FREM3: variants seen among roughly 807,000 people sequenced by gnomAD.
The protein encoded by FREM3 is FRAS1 related extracellular matrix 3.
A neutral mutation model predicts 129.1 loss-of-function variants in FREM3; 105 were observed. That is an observed-to-expected ratio of 0.81 (90% CI 0.69 to 0.96). The LOEUF (loss-of-function observed/expected upper bound fraction) is 0.96. Among genes scored for constraint, FREM3 ranks in the 40% least tolerant of loss-of-function variants. The pLI, the probability that FREM3 is intolerant of heterozygous loss-of-function variation, is 0.00. For missense variants in FREM3, 2,593 were observed against 2,666.3 expected (o/e 0.97, Z 0.61); for synonymous variants, 1,014 against 1,044.9 (o/e 0.97, Z 0.57).
chr4:143,586,156 C>T (rs1273655822), intron 6 of FREM3, among the ~76,000 whole-genome samples, 163 bp from the exon 7 acceptor site: 4 of 152,082 alleles, frequency 2.6e-5, no homozygotes, highest in Non-Finnish European at 5.9e-5. Flanking sequence ...AACAAAAACA[C>T]ACAAAAAGCC....
At position 143,696,776 on chromosome 4, in the gene FREM3, G is replaced by A; in HGVS notation, c.3900C>T (p.Thr1300=). The part of the protein sequence containing the change: ...TTHRKVPIVV[T]LVDDETPHLT... ...GGTGAGGAGTTTCATCATCCACTAG[G>A]GTCACTACAATGGGTACCTTCCTGT... The change falls in exon 1 of 8, where the codon ACC becomes ACT. Residue 1300 remains threonine, a synonymous_variant. Coordinates refer to ENST00000329798, the MANE Select transcript of FREM3 (RefSeq NM_001168235.2). 1 of 1,537,692 alleles carries A rather than the reference G, an allele frequency of 6.5e-7. No individual in the cohort carries two copies. Among genetic ancestry groups the A allele is most frequent in the Non-Finnish European group, 8.7e-7 (1 of 1,147,026 alleles).
chr4:143,693,983 G>A (rs1488817302), intron 1 of FREM3, among the ~76,000 whole-genome samples: 2 of 152,162 alleles, frequency 1.3e-5, no homozygotes, highest in Non-Finnish European at 2.9e-5. Context: ...ACAATCAACA[G>A]TGGTGTTTTC....
intron 2 of FREM3, among the ~76,000 whole-genome samples, chr4:143,668,537 G>A (rs1433901462): frequency 2.0e-5 from 3 of 152,170 alleles, no homozygotes; most frequent in Non-Finnish European, 2.9e-5. Context: ...CACCCTTAAT[G>A]TTGGCTTGTT....
Position 143,698,022 on chromosome 4 carries a change from A to G in FREM3, c.2654T>C (p.Val885Ala), listed in dbSNP as rs2149864975. 6.5e-7 allele frequency: 1 copy of G among 1,537,286 alleles called. No individual in the cohort carries two copies. Among genetic ancestry groups the G allele is most frequent in the East Asian group, 2.4e-5 (1 of 40,906 alleles). Residue 885 changes from valine to alanine, a missense_variant, in exon 1 of 8, where the codon GTC becomes GCC. This residue lies in a region of FREM3 where 2,276 missense variants were observed against 2,267.2 expected (regional missense o/e 1.00). Coordinates refer to ENST00000329798, the MANE Select transcript of FREM3 (RefSeq NM_001168235.2). The stretch of plus-strand genomic sequence containing the variant: ...AGCTTGCATGAAAGATTCCCCTGGG[A>G]CCATACATCTTTTAAAGTACTGCAA... ...GHLQYFKRCM[V>A]PGESFMQADV...
At chr4:143,591,756 C>A (rs946746190) in intron 6 of FREM3, among the ~76,000 whole-genome samples, 4 of 152,104 alleles carry the variant, frequency 2.6e-5, no homozygotes, top group Admixed American at 1.3e-4. Flanking sequence ...TCTATGAGGT[C>A]CACTTGGTGC....
At chr4:143,622,693 A>C (rs1226226174) in intron 4 of FREM3, among the ~76,000 whole-genome samples, 1 of 152,192 alleles carries the variant, frequency 6.6e-6, no homozygotes, top group Non-Finnish European at 1.5e-5. Context: ...AAGTAAATTA[A>C]AATTATCAAT....
At chr4:143,643,268 A>G (rs1739354513) in intron 2 of FREM3, among the ~76,000 whole-genome samples, 1 of 152,162 alleles carries the variant, frequency 6.6e-6, no homozygotes, top group Non-Finnish European at 1.5e-5. Flanking sequence ...ACTGCTGGGT[A>G]TATATCAAAA....
chr4:143,686,091 A>T (rs1740358958), intron 2 of FREM3, among the ~76,000 whole-genome samples: 1 of 152,188 alleles, frequency 6.6e-6, no homozygotes, highest in Non-Finnish European at 1.5e-5. Flanking sequence ...CAGCTAGCAC[A>T]TAAAGACTCA....
At position 143,671,498 on chromosome 4, in the gene FREM3, T is replaced by A. The variant is rs1000719031; in HGVS notation, c.5275+21615A>T. ...ACTAGTTACACACACATATACATAT[T>A]TGCTTATATAAAAGCAATTTTTTTT... On this transcript the variant is annotated intron_variant, in intron 2 of 7. Coordinates refer to ENST00000329798, the MANE Select transcript of FREM3 (RefSeq NM_001168235.2). Among the ~76,000 whole-genome samples, 4 of 152,212 alleles carry A rather than the reference T, an allele frequency of 2.6e-5. No homozygotes were observed. In the East Asian group the frequency reaches 7.7e-4, roughly 29 times the overall value.
At chr4:143,615,679 G>A (rs76649776) in intron 5 of FREM3, among the ~76,000 whole-genome samples, 3,450 of 150,804 alleles carry the variant, frequency 0.023, 128 homozygotes, top group African/African-American at 0.081. Context: ...AGGGAATATC[G>A]TCAAGTGTAG....
At chr4:143,620,407 CATTT>C (rs1233880029) in intron 5 of FREM3, among the ~76,000 whole-genome samples, 4 of 152,184 alleles carry the variant, frequency 2.6e-5, no homozygotes, top group South Asian at 2.1e-4. Flanking sequence ...GGGTGGGCTT[CATTT>C]GTTTCCGTAA....
intron 2 of FREM3, among the ~76,000 whole-genome samples, chr4:143,648,520 G>T (rs964476905): frequency 6.6e-6 from 1 of 152,154 alleles, no homozygotes; most frequent in African/African-American, 2.4e-5. Flanking sequence ...ATCATGGGGG[G>T]GCAGTTCCTG....
At chr4:143,695,431 TG>T (rs1740546250) in intron 1 of FREM3, 59 bp downstream of exon 1, 1 of 1,369,028 alleles carries the variant, frequency 7.3e-7, no homozygotes, top group Non-Finnish European at 9.7e-7. Flanking sequence ...TACACAAAGC[TG>T]AGAGATCTGA....
chr4:143,607,211 A>G (rs919775101), intron 6 of FREM3, among the ~76,000 whole-genome samples: 3 of 152,186 alleles, frequency 2.0e-5, no homozygotes, highest in Admixed American at 1.3e-4. Flanking sequence ...GAATTGGCCT[A>G]TGTCATTCCT....
chr4:143,691,925 A>G (rs1305734262), intron 2 of FREM3, among the ~76,000 whole-genome samples: 1 of 152,168 alleles, frequency 6.6e-6, no homozygotes, highest in African/African-American at 2.4e-5. Flanking sequence ...AAAGGTGTAA[A>G]TTCATCTTTT....
At chr4:143,692,080 C>T (rs1391508779) in intron 2 of FREM3, among the ~76,000 whole-genome samples, 30 of 152,040 alleles carry the variant, frequency 2.0e-4, no homozygotes. Flanking sequence ...TTAATGGGCA[C>T]CTATCTTTAA....
At position 143,698,147 on chromosome 4, in the gene FREM3, G is replaced by C. The variant is rs1342771055; in HGVS notation, c.2529C>G (p.Gly843=). The stretch of plus-strand genomic sequence containing the variant: ...GCTCATTACTGCTGAGGTTAAAGCT[G>C]CCTCCCTCTAAGATAGCAAAGCCTC... ...TNRGFAILEG[G]SFNLSSNELH... is the part of the protein sequence containing the mutation. The change falls in exon 1 of 8, where the codon GGC becomes GGG. Residue 843 remains glycine, a synonymous_variant. Coordinates refer to ENST00000329798, the MANE Select transcript of FREM3 (RefSeq NM_001168235.2). 2.0e-6 allele frequency: 3 copies of C among 1,537,342 alleles called. No individual in the cohort carries two copies. The highest frequency in any genetic ancestry group is 1.4e-5 in the African/African-American group (1 of 73,048).
intron 2 of FREM3, among the ~76,000 whole-genome samples, chr4:143,643,881 C>T (rs991021351): frequency 2.6e-5 from 4 of 151,938 alleles, no homozygotes; most frequent in East Asian, 1.9e-4. Flanking sequence ...TACCTTGATT[C>T]GATCAGTATT....
chr4:143,651,438 A>C (rs1739507795), intron 2 of FREM3, among the ~76,000 whole-genome samples: 3 of 152,216 alleles, frequency 2.0e-5, no homozygotes, highest in Non-Finnish European at 4.4e-5. Flanking sequence ...AAGGTTTTGG[A>C]TAAGATGGTT....
Sources: gnomAD v4.1 joint callset for allele counts (sites outside exome capture counted in the v4.1 genomes callset) on GRCh38, gnomAD v4.1.1 for gene constraint, gnomAD v4.1.1 regional missense constraint, MANE v1.5 for transcripts, NCBI Gene and HGNC (gene_info 2026-07-23, HGNC 2026-07-21) for gene names.